The following TMIGD1 variants were observed in gnomAD, a reference collection of about 807,000 sequenced individuals.
TMIGD1 encodes the protein transmembrane and immunoglobulin domain-containing protein 1.
Under a neutral mutation model 27.5 loss-of-function variants are expected in TMIGD1, and 29 were observed. The observed-to-expected ratio is 1.05, with a 90% CI of 0.78 to 1.44. The LOEUF (loss-of-function observed/expected upper bound fraction) is 1.44, where lower values mean the gene tolerates loss of function less well. Among genes scored for constraint, TMIGD1 ranks in the 40% most tolerant of loss-of-function variants. TMIGD1 has a pLI of 0.00. For synonymous variants in TMIGD1, 109 were observed against 110.3 expected (o/e 0.99, Z 0.07); for missense variants, 334 against 310.6 (o/e 1.08, Z -0.57).
intron 4 of TMIGD1, 68 bp downstream of exon 4, chr17:30,324,748 A>G: frequency 6.5e-7 from 1 of 1,530,540 alleles, no homozygotes. Flanking sequence ...TATTGTCACC[A>G]GAAATATTCA....
chr17:30,320,735 T>G (rs1177916089), intron 4 of TMIGD1, among the ~76,000 whole-genome samples: 1 of 152,198 alleles, frequency 6.6e-6, no homozygotes, highest in Non-Finnish European at 1.5e-5. Flanking sequence ...GGCATATCCG[T>G]AGTCCCAGAC....
chr17:30,324,496 T>C (rs1420540987), intron 4 of TMIGD1, among the ~76,000 whole-genome samples: 3 of 152,202 alleles, frequency 2.0e-5, no homozygotes, highest in Non-Finnish European at 4.4e-5. Context: ...AACTCAAAAG[T>C]CCAGTTGCTA....
chr17:30,319,261 A>AAAAAAATATATATAT, intron 4 of TMIGD1, among the ~76,000 whole-genome samples: 43 of 69,042 alleles, frequency 6.2e-4, no homozygotes, highest in Non-Finnish European at 9.8e-4. Context: ...AAAAAAAAAA[A>AAAAAAATATATATAT]ATATATATAT....
At chr17:30,328,294 C>A (rs1909854760) in intron 3 of TMIGD1, among the ~76,000 whole-genome samples, 1 of 152,012 alleles carries the variant, frequency 6.6e-6, no homozygotes, top group Admixed American at 6.6e-5. Flanking sequence ...CCTCTGCCTC[C>A]CAAAGTGTTG....
At chr17:30,319,055 C>T (rs1422913258) in intron 4 of TMIGD1, 142 bp from the exon 5 acceptor site, 3 of 636,596 alleles carry the variant, frequency 4.7e-6, no homozygotes, top group Admixed American at 2.5e-5. Context: ...TATGATTGTC[C>T]TCATTTCACA....
At position 30,318,892 on chromosome 17, in the gene TMIGD1, A is replaced by T; in HGVS notation, c.662T>A (p.Ile221Lys). The T allele has an allele frequency of 6.2e-7, 1 of 1,613,542 alleles. No homozygotes were observed. The highest frequency in any genetic ancestry group is 8.5e-7 in the Non-Finnish European group (1 of 1,179,484). The part of the protein sequence containing the change: ...IVKDKTVGVP[I>K]EPIIAACVVI... ...AACACATGCAGCAATAATGGGCTCTATTGGTACACCCACAGTTTTATCTGT... is the reference window on the plus strand; with the variant it reads ...AACACATGCAGCAATAATGGGCTCTTTTGGTACACCCACAGTTTTATCTGT... Residue 221 changes from isoleucine (I) to lysine (K), a missense_variant, in exon 5 of 7, where the codon ATA becomes AAA. Coordinates refer to ENST00000328886, the MANE Select transcript of TMIGD1 (RefSeq NM_206832.3).
At position 30,324,979 on chromosome 17, in the gene TMIGD1, A is replaced by G. The variant is rs1909728377; in HGVS notation, c.477T>C (p.Ser159=). The change falls in exon 4 of 7, where the codon AGT becomes AGC. Residue 159 remains serine, a synonymous_variant. Transcript: ENST00000328886. ...PQAQMMWYKN[S]SLLDLEKSRH... ...GGCTTTTCTCTAAATCGAGGAGACT[A>G]CTGTTTTTGTACCACATCATTTGAG... 1.2e-6 allele frequency: 2 copies of G among 1,614,136 alleles called. No homozygotes were observed. Among genetic ancestry groups the G allele is most frequent in the Non-Finnish European group, 1.7e-6 (2 of 1,180,000 alleles).
At chr17:30,328,187 A>G (rs950271879) in intron 3 of TMIGD1, among the ~76,000 whole-genome samples, 1 of 152,114 alleles carries the variant, frequency 6.6e-6, no homozygotes, top group South Asian at 2.1e-4. Context: ...GGTGCCTACC[A>G]CCGCACCTGG....
chr17:30,328,505 C>T (rs1309586518), intron 3 of TMIGD1, among the ~76,000 whole-genome samples: 1 of 152,058 alleles, frequency 6.6e-6, no homozygotes, highest in Non-Finnish European at 1.5e-5. Flanking sequence ...GGACTAATTT[C>T]CTTAATCTAC....
chr17:30,329,203 G>A lies in TMIGD1; in HGVS notation c.361+48C>T, dbSNP rs772816131. 3.1e-6 allele frequency: 5 copies of A among 1,589,524 alleles called. No homozygotes were observed. The African/African-American group carries it at 5.4e-5, about 17-fold the overall frequency. On this transcript the variant is annotated intron_variant, in intron 3 of 6. Coordinates refer to ENST00000328886, the MANE Select transcript of TMIGD1 (RefSeq NM_206832.3). ...CTAGATTTCAACTACCACTTCATGT[G>A]TTACAGACATTACAGACCCACTAGC...
At chr17:30,318,558 G>A (rs1343054787) in intron 5 of TMIGD1, among the ~76,000 whole-genome samples, 2 of 152,202 alleles carry the variant, frequency 1.3e-5, no homozygotes, top group East Asian at 1.9e-4. Context: ...GCCCCCAATT[G>A]CCTACCCCTG....
rs775362974 is a variant in TMIGD1 at position 30,317,205 on chromosome 17, C to G, written c.773G>C (p.Ser258Thr). 1 of 1,614,054 alleles carries G rather than the reference C, an allele frequency of 6.2e-7. No individual in the cohort carries two copies. The highest frequency in any genetic ancestry group is 1.1e-5 in the South Asian group (1 of 91,088). The change falls in exon 6 of 7, where the codon AGT (serine) becomes ACT (threonine). Residue 258 changes from serine to threonine, a missense_variant. Physicochemically the swap from Ser to Thr is moderately conservative, Grantham distance 58 (BLOSUM62 1). Transcript: ENST00000328886. ...CTAGAGTACTTACAGAGCTGTTTCA[C>G]TGTGAGGGTCTTTATCCTTCATGCA... ...KLCMKDKDPHSETAL is the reference protein window; with the variant it reads ...KLCMKDKDPHTETAL
Position 30,318,902 on chromosome 17 carries a change from C to T in TMIGD1, c.652G>A (p.Gly218Ser), listed in dbSNP as rs748383295. Residue 218 changes from glycine (G) to serine (S), a missense_variant, in exon 5 of 7, where the codon GGT (glycine) becomes AGT (serine). Transcript: ENST00000328886. ...FHLIVKDKTV[G>S]VPIEPIIAAC... ...GCAATAATGGGCTCTATTGGTACAC[C>T]CACAGTTTTATCTGTAGGAAATGCA... The T allele has an allele frequency of 6.2e-7, 1 of 1,612,182 alleles. No homozygotes were observed. Among genetic ancestry groups the T allele is most frequent in the Middle Eastern group, 1.7e-4 (1 of 6,060 alleles).
chr17:30,319,261 A>AAAAAAAAAAAAATATAT, intron 4 of TMIGD1, among the ~76,000 whole-genome samples: 1 of 69,068 alleles, frequency 1.4e-5, no homozygotes, highest in South Asian at 4.2e-4. Context: ...AAAAAAAAAA[A>AAAAAAAAAAAAATATAT]ATATATATAT....
intron 1 of TMIGD1, among the ~76,000 whole-genome samples, chr17:30,332,566 A>T (rs1350768580): frequency 6.6e-6 from 1 of 152,194 alleles, no homozygotes. Context: ...ATGTTCTCTG[A>T]TAATAGAGAG....
intron 6 of TMIGD1, chr17:30,316,891 T>A (rs955655750): frequency 1.6e-6 from 1 of 642,384 alleles, no homozygotes; most frequent in Admixed American, 2.7e-5. Flanking sequence ...TGTAAAGCAG[T>A]ATGGACCAGT....
chr17:30,332,407 G>A (rs78947137), intron 1 of TMIGD1, among the ~76,000 whole-genome samples: 2 of 152,138 alleles, frequency 1.3e-5, no homozygotes, highest in Admixed American at 1.3e-4. Flanking sequence ...GCAGCGTCAG[G>A]GTGCCCTGGG....
intron 4 of TMIGD1, among the ~76,000 whole-genome samples, chr17:30,319,261 A>AAAAAAAAAAAAAAAAAAATATATATATAT: frequency 7.4e-4 from 51 of 68,920 alleles, no homozygotes; most frequent in Non-Finnish European, 1.1e-3. Flanking sequence ...AAAAAAAAAA[A>AAAAAAAAAAAAAAAAAAATATATATATAT]ATATATATAT....
At chr17:30,324,073 A>G (rs988290932) in intron 4 of TMIGD1, among the ~76,000 whole-genome samples, 1 of 152,262 alleles carries the variant, frequency 6.6e-6, no homozygotes, top group African/African-American at 2.4e-5. Flanking sequence ...ATAAGTGAGT[A>G]CAGGGAGGCA....
Sources: gnomAD v4.1 joint callset for allele counts (sites outside exome capture counted in the v4.1 genomes callset) on GRCh38, gnomAD v4.1.1 for gene constraint, MANE v1.5 for transcripts, NCBI Gene and HGNC (gene_info 2026-07-23, HGNC 2026-07-21) for gene names.